The following KRT222 variants were observed in gnomAD, a reference collection of about 807,000 sequenced individuals.
The protein encoded by KRT222 is keratin 222.
Under a neutral mutation model 35.0 loss-of-function variants are expected in KRT222, and 23 were observed. The ratio of observed to expected loss-of-function variants is 0.66; its 90% CI spans 0.47 to 0.93. The LOEUF (loss-of-function observed/expected upper bound fraction) is 0.93. Among genes scored for constraint, KRT222 ranks in the 40% least tolerant of loss-of-function variants. KRT222 has a pLI of 0.00. For missense variants in KRT222, 339 were observed against 346.3 expected (o/e 0.98, Z 0.17); for synonymous variants, 108 against 118.8 (o/e 0.91, Z 0.59).
In KRT222 at chr17:40,657,758, C is replaced by T. The variant is rs766467372; in HGVS notation, c.447-8G>A. 1 of 1,593,158 alleles carries T rather than the reference C, an allele frequency of 6.3e-7. No individual in the cohort carries two copies. The highest frequency in any genetic ancestry group is 1.7e-5 in the Admixed American group (1 of 59,308). On this transcript the variant is annotated splice_region_variant and splice_polypyrimidine_tract_variant and intron_variant, in intron 3 of 5. Transcript: ENST00000394052. ...TGGATACAACCATAATATCTGAAAT[C>T]AGAAAGAATTTTATTTTAAGAGCAA...
At chr17:40,661,546 G>A (rs751283672) in intron 2 of KRT222, among the ~76,000 whole-genome samples, 3 of 152,194 alleles carry the variant, frequency 2.0e-5, no homozygotes, top group Non-Finnish European at 4.4e-5. Context: ...GATTACAGGG[G>A]TAAGCCACAG....
At chr17:40,660,328 T>A (rs1239489725) in intron 2 of KRT222, 121 bp from the exon 3 acceptor site, 3 of 743,414 alleles carry the variant, frequency 4.0e-6, no homozygotes, top group South Asian at 1.9e-5. Flanking sequence ...TTGCCCAGAG[T>A]GTAGTGCAAT....
In KRT222 at chr17:40,661,989, G is replaced by C; in HGVS notation, c.152C>G (p.Ala51Gly). 1 of 1,614,102 alleles carries C rather than the reference G, an allele frequency of 6.2e-7. No individual in the cohort carries two copies. Among genetic ancestry groups the C allele is most frequent in the Non-Finnish European group, 8.5e-7 (1 of 1,180,012 alleles). ...MDKDEEALKA[A>G]QAELKEARRQ... ...TCGGGCCTCCTTGAGTTCTGCTTGA[G>C]CTGCCTTCAAAGCCTCTTCATCTTT... is the stretch of plus-strand genomic sequence containing the variant. Residue 51 changes from alanine (A) to glycine (G), a missense_variant, in exon 2 of 6, where the codon GCT becomes GGT. Transcript: ENST00000394052.
At chr17:40,661,876 G>A (rs2037385848) in intron 2 of KRT222, 40 bp downstream of exon 2, 2 of 1,600,378 alleles carry the variant, frequency 1.2e-6, no homozygotes, top group South Asian at 1.1e-5. Flanking sequence ...AATCACATCT[G>A]AGGACTCGAT....
chr17:40,656,614 C>A lies in KRT222; in HGVS notation c.676G>T (p.Glu226Ter). 6.3e-7 allele frequency: 1 copy of A among 1,599,862 alleles called. No homozygotes were observed. The highest frequency in any genetic ancestry group is 1.3e-5 in the African/African-American group (1 of 74,718). Residue 226 changes from glutamate (E) to a stop codon, truncating the protein, a stop_gained, in exon 6 of 6, where the codon GAA becomes TAA. Transcript: ENST00000394052. LOFTEE classifies it high-confidence loss of function. ...GAACCTTCCCATTCTTTAATAACTT[C>A]ATCCACTTTCTCTGTCCTGAAATGA... ...HGTIQTEKVD[E>*]VIKEWEGSFF...
rs181707564 is a variant in KRT222 at position 40,654,929 on chromosome 17, T to G, written c.*1473A>C. The G allele has an allele frequency of 6.6e-6, 1 of 150,562 alleles. No individual in the cohort carries two copies. The highest frequency in any genetic ancestry group is 1.9e-4 in the East Asian group (1 of 5,140). The allele number at this position is 150,562 out of a possible 1,614,324, so 9.3% of individuals were successfully genotyped here. A position where few individuals can be genotyped will look rare whatever the true frequency, so the allele number is the denominator to read the frequency against. On this transcript the variant is annotated 3_prime_UTR_variant, in exon 6 of 6. Transcript: ENST00000394052. ...AAACCAGACTAAAAGGAATCTGAAG[T>G]AATTGAAAGAAAATTAAAAATTTTA...
Position 40,660,219 on chromosome 17 carries a change from A to G in KRT222, c.226-12T>C, listed in dbSNP as rs2037372944. On this transcript the variant is annotated splice_polypyrimidine_tract_variant and intron_variant, in intron 2 of 5. Transcript: ENST00000394052. ...TCAAGGCCCCTTTCCTGTTTTATAT[A>G]GATTTTCATCAGTGAATCAGTAACA... is the stretch of plus-strand genomic sequence containing the variant. 1 of 1,603,592 alleles carries G rather than the reference A, an allele frequency of 6.2e-7. No individual in the cohort carries two copies. The highest frequency in any genetic ancestry group is 8.5e-7 in the Non-Finnish European group (1 of 1,173,522).
intron 5 of KRT222, 101 bp from the exon 6 acceptor site, chr17:40,656,731 T>A (rs1204223079): frequency 1.6e-6 from 1 of 627,096 alleles, no homozygotes; most frequent in African/African-American, 1.8e-5. Flanking sequence ...GAAATTTGTA[T>A]AATTTATAGT....
In KRT222 at chr17:40,657,337, AG is replaced by A; in HGVS notation, c.659+14del. The A allele has an allele frequency of 6.7e-7, 1 of 1,497,450 alleles. No individual in the cohort carries two copies. The highest frequency in any genetic ancestry group is 8.9e-7 in the Non-Finnish European group (1 of 1,122,106). 92.8% of individuals were successfully genotyped at this position (1,497,450 alleles called of 1,614,324 possible). A position where few individuals can be genotyped will look rare whatever the true frequency, so the allele number is the denominator to read the frequency against. On this transcript the variant is annotated intron_variant, in intron 5 of 5. Coordinates refer to ENST00000394052, the MANE Select transcript of KRT222 (RefSeq NM_152349.3). ...ATATTTATTATTATTTCTTAGTCAA[AG>A]TTTCTTTACTTACTGAATAGTGCCA... is the stretch of plus-strand genomic sequence containing the variant.
At chr17:40,657,210 CAAA>C (rs34128971) in intron 5 of KRT222, 139 bp downstream of exon 5, 218 of 378,268 alleles carry the variant, frequency 5.8e-4, no homozygotes, top group Middle Eastern at 1.6e-3. Context: ...GACTCAATCT[CAAA>C]AAAAAAAAAA....
intron 2 of KRT222, among the ~76,000 whole-genome samples, chr17:40,661,454 T>TG: frequency 6.6e-6 from 1 of 151,040 alleles, no homozygotes; most frequent in South Asian, 2.1e-4. Flanking sequence ...TTAATAGAGA[T>TG]GGGGTTTCAT....
intron 3 of KRT222, 138 bp from the exon 4 acceptor site, chr17:40,657,888 G>T: frequency 1.7e-6 from 1 of 586,974 alleles, no homozygotes; most frequent in Non-Finnish European, 3.0e-6. Flanking sequence ...AGGCTTCACC[G>T]TATCTTTATG....
intron 5 of KRT222, 62 bp downstream of exon 5, chr17:40,657,290 C>G (rs183058407): frequency 8.6e-7 from 1 of 1,158,896 alleles, no homozygotes; most frequent in South Asian, 2.0e-5. Context: ...ACTGGGATTA[C>G]GCAAAGTTAA....
At chr17:40,662,073 C>G in intron 1 of KRT222, 29 bp from the exon 2 acceptor site, 1 of 1,598,654 alleles carries the variant, frequency 6.3e-7, no homozygotes, top group African/African-American at 1.4e-5. Context: ...GCAACAATAA[C>G]AAACAAAAAA....
At chr17:40,659,286 G>A (rs1188099666) in intron 3 of KRT222, among the ~76,000 whole-genome samples, 1 of 151,904 alleles carries the variant, frequency 6.6e-6, no homozygotes. Flanking sequence ...CTCCCGAGTA[G>A]CTGGGATTAC....
rs1370376366 is a variant in KRT222, at chr17:40,655,864, A to G, written c.*538T>C. On this transcript the variant is annotated 3_prime_UTR_variant, in exon 6 of 6. Coordinates refer to ENST00000394052, the MANE Select transcript of KRT222 (RefSeq NM_152349.3). Reference sequence around the variant, plus strand: ...TCTCAGTATACAAATGATTTATCTCAAAAAGAAGAATCCTCATTAGGTGAA... The same window carrying G: ...TCTCAGTATACAAATGATTTATCTCGAAAAGAAGAATCCTCATTAGGTGAA... The G allele has an allele frequency of 6.6e-6, 1 of 152,206 alleles. No individual in the cohort carries two copies. Among genetic ancestry groups the G allele is most frequent in the Non-Finnish European group, 1.5e-5 (1 of 68,058 alleles). 9.4% of individuals were successfully genotyped at this position (152,206 alleles called of 1,614,324 possible).
intron 1 of KRT222, 193 bp downstream of exon 1, chr17:40,664,811 T>C: frequency 1.1e-6 from 1 of 908,572 alleles, no homozygotes; most frequent in East Asian, 2.8e-5. Context: ...ACTTACTTAA[T>C]GGCAATTTAA....
At chr17:40,657,233 G>C (rs2037351525) in intron 5 of KRT222, 119 bp downstream of exon 5, 3 of 587,746 alleles carry the variant, frequency 5.1e-6, no homozygotes, top group Non-Finnish European at 7.6e-6. Context: ...AAAAATCACA[G>C]TATACTAAAA....
chr17:40,664,877 A>C, intron 1 of KRT222, 127 bp downstream of exon 1: 1 of 1,514,832 alleles, frequency 6.6e-7, no homozygotes, highest in Non-Finnish European at 8.9e-7. Flanking sequence ...GTAGAAGCTA[A>C]ATTCCTTCCC....
Sources: allele counts gnomAD v4.1 joint callset (sites outside exome capture counted in the v4.1 genomes callset), GRCh38; gene constraint gnomAD v4.1.1; transcripts MANE v1.5; gene names NCBI Gene and HGNC (gene_info 2026-07-23, HGNC 2026-07-21).